FNDC3A: variants seen among roughly 807,000 people sequenced by gnomAD.
FNDC3A encodes the protein fibronectin type-III domain-containing protein 3A.
Under a neutral mutation model 148.9 loss-of-function variants are expected in FNDC3A, and 32 were observed. The observed-to-expected ratio is 0.21, with a 90% CI of 0.16 to 0.29. FNDC3A has a LOEUF of 0.29. FNDC3A is among the 10% of genes least tolerant of loss of function. The pLI, the probability that FNDC3A is intolerant of heterozygous loss-of-function variation, is 1.00. For synonymous variants in FNDC3A, 472 were observed against 473.6 expected (o/e 1.00, Z 0.04); for missense variants, 1,191 against 1,452.8 (o/e 0.82, Z 2.93).
chr13:49,155,335 G>T (rs1472944008), intron 8 of FNDC3A, among the ~76,000 whole-genome samples: 1 of 151,614 alleles, frequency 6.6e-6, no homozygotes, highest in Non-Finnish European at 1.5e-5. Context: ...TCTGATGGTA[G>T]TTTGTATTTC....
intron 3 of FNDC3A, among the ~76,000 whole-genome samples, chr13:49,094,719 A>T (rs75257666): frequency 3.9e-5 from 6 of 152,086 alleles, no homozygotes; most frequent in Non-Finnish European, 5.9e-5. Flanking sequence ...AAGAAAAGGC[A>T]CTATGGAAGC....
intron 3 of FNDC3A, among the ~76,000 whole-genome samples, chr13:49,086,990 C>T (rs530871908): frequency 6.6e-6 from 1 of 151,876 alleles, no homozygotes; most frequent in South Asian, 2.1e-4. Flanking sequence ...TCAGGATGTC[C>T]CAGAGAGCTA....
At chr13:49,153,358 A>G (rs976137903) in intron 8 of FNDC3A, among the ~76,000 whole-genome samples, 212 of 151,842 alleles carry the variant, frequency 1.4e-3, no homozygotes, top group African/African-American at 5.0e-3. Flanking sequence ...CCACTTTTTG[A>G]TGGGGTTGTT....
intron 19 of FNDC3A, among the ~76,000 whole-genome samples, chr13:49,195,627 A>T (rs1193979902): frequency 1.3e-5 from 2 of 152,196 alleles, no homozygotes; most frequent in African/African-American, 4.8e-5. Flanking sequence ...GTAAGTCGTT[A>T]TTTATTAACA....
chr13:48,980,027 G>A (rs970726066), intron 1 of FNDC3A, among the ~76,000 whole-genome samples: 2 of 151,966 alleles, frequency 1.3e-5, no homozygotes, highest in East Asian at 1.9e-4. Context: ...TGGTTTGGGC[G>A]TTTTATGACT....
chr13:48,999,147 C>T (rs1952078707), intron 1 of FNDC3A, among the ~76,000 whole-genome samples: 1 of 152,094 alleles, frequency 6.6e-6, no homozygotes, highest in African/African-American at 2.4e-5. Flanking sequence ...CTCCACCAAG[C>T]GGAAGGGACA....
chr13:49,019,652 C>T (rs1315326232), intron 2 of FNDC3A, among the ~76,000 whole-genome samples: 1 of 152,214 alleles, frequency 6.6e-6, no homozygotes, highest in Non-Finnish European at 1.5e-5. Context: ...CAATGTTTAA[C>T]TGACAGTATA....
chr13:49,143,722 G>A (rs948742906), intron 7 of FNDC3A, among the ~76,000 whole-genome samples: 1 of 152,010 alleles, frequency 6.6e-6, no homozygotes, highest in African/African-American at 2.4e-5. Context: ...TTGTTGATGA[G>A]GCCTAGAACC....
chr13:49,148,890 T>C (rs1389358159), intron 8 of FNDC3A, among the ~76,000 whole-genome samples: 3 of 152,204 alleles, frequency 2.0e-5, no homozygotes, highest in Non-Finnish European at 4.4e-5. Flanking sequence ...ATCAGTGTTT[T>C]ATAGTTTTAT....
chr13:49,047,272 A>G (rs186862273), intron 2 of FNDC3A, among the ~76,000 whole-genome samples: 10 of 152,108 alleles, frequency 6.6e-5, no homozygotes, highest in African/African-American at 1.4e-4. Flanking sequence ...TTGTGCTGCT[A>G]TAAACATGCA....
At position 49,198,488 on chromosome 13, in the gene FNDC3A, T is replaced by G. The variant is rs1441444831; in HGVS notation, c.2901T>G (p.Leu967=). 6.2e-7 allele frequency: 1 copy of G among 1,614,056 alleles called. No individual in the cohort carries two copies. The highest frequency in any genetic ancestry group is 1.3e-5 in the African/African-American group (1 of 74,934). ...GTGTTGCCTTTAGCCACCAGAACCT[T>G]AAGCTGAAATGGGGAGAAGGAACTC... is the stretch of plus-strand genomic sequence containing the variant. ...LECVAFSHQN[L]KLKWGEGTPK... is the part of the protein sequence containing the mutation. The change falls in exon 23 of 26, where the codon CTT becomes CTG. Residue 967 remains leucine (L), a synonymous_variant. Transcript: ENST00000492622.
chr13:49,022,741 T>A (rs993629653), intron 2 of FNDC3A, among the ~76,000 whole-genome samples: 4 of 152,164 alleles, frequency 2.6e-5, no homozygotes, highest in African/African-American at 9.6e-5. Context: ...TTTCTCATTC[T>A]TAGAAGCTTT....
At chr13:49,063,451 A>C (rs1005526445) in intron 2 of FNDC3A, among the ~76,000 whole-genome samples, 4 of 152,214 alleles carry the variant, frequency 2.6e-5, no homozygotes, top group Non-Finnish European at 4.4e-5. Context: ...TATTTGGGCC[A>C]GGGTCGAGGA....
chr13:49,047,572 C>T (rs566183311), intron 2 of FNDC3A, among the ~76,000 whole-genome samples: 1 of 152,164 alleles, frequency 6.6e-6, no homozygotes, highest in South Asian at 2.1e-4. Flanking sequence ...TTTCCATAGG[C>T]TTTTTGGCTA....
chr13:49,093,184 T>C (rs1007385609), intron 3 of FNDC3A, among the ~76,000 whole-genome samples: 6 of 152,190 alleles, frequency 3.9e-5, no homozygotes, highest in Non-Finnish European at 7.3e-5. Context: ...TAGTATACTC[T>C]TTGTAGGCTA....
At chr13:49,033,204 A>G (rs1387092802) in intron 2 of FNDC3A, among the ~76,000 whole-genome samples, 1 of 152,196 alleles carries the variant, frequency 6.6e-6, no homozygotes, top group Non-Finnish European at 1.5e-5. Flanking sequence ...ATATATTTGT[A>G]AACAGCATAC....
intron 2 of FNDC3A, among the ~76,000 whole-genome samples, chr13:49,019,504 GC>G (rs1873147716): frequency 6.6e-6 from 1 of 152,134 alleles, no homozygotes; most frequent in Non-Finnish European, 1.5e-5. Flanking sequence ...CCACTGTCTG[GC>G]ACTCCCTAGT....
intron 7 of FNDC3A, among the ~76,000 whole-genome samples, chr13:49,140,270 A>G (rs757289639): frequency 2.0e-5 from 3 of 152,194 alleles, no homozygotes; most frequent in Admixed American, 6.6e-5. Flanking sequence ...TAGGAGTTCA[A>G]TGCTGCAGTG....
At chr13:49,036,865 T>C (rs924084048) in intron 2 of FNDC3A, among the ~76,000 whole-genome samples, 4 of 152,196 alleles carry the variant, frequency 2.6e-5, no homozygotes, top group Non-Finnish European at 5.9e-5. Flanking sequence ...TAGGAAAATA[T>C]TAGCAGAAAT....
Sources: allele counts gnomAD v4.1 joint callset (sites outside exome capture counted in the v4.1 genomes callset), GRCh38; gene constraint gnomAD v4.1.1; transcripts MANE v1.5; gene names NCBI Gene and HGNC (gene_info 2026-07-23, HGNC 2026-07-21).